Variants in MAGI2 observed in about 807,000 individuals in gnomAD.
The protein encoded by MAGI2 is membrane associated guanylate kinase, WW and PDZ domain containing 2, also known as membrane-associated guanylate kinase, WW and PDZ domain-containing protein 2.
In MAGI2, 35 loss-of-function variants were observed where a neutral mutation model predicts 133.3. The observed-to-expected ratio is 0.26, with a 90% confidence interval of 0.20 to 0.35. MAGI2 has a LOEUF of 0.35. MAGI2 is among the 10% of genes least tolerant of loss of function. The probability of loss-of-function intolerance (pLI) is 1.00; values close to 1 mark genes in which losing one functional copy is unlikely to be tolerated. For synonymous variants in MAGI2, 729 were observed against 710.6 expected, an observed-to-expected ratio of 1.03 and a Z score of -0.41; for missense variants, 1,636 against 1,863.4, an observed-to-expected ratio of 0.88 and a Z score of 2.25.
At chr7:78,694,993 A>C (rs1817352572) in intron 2 of MAGI2, among the ~76,000 whole-genome samples, 2 of 152,166 alleles carry the variant, frequency 1.3e-5, no homozygotes, top group East Asian at 1.9e-4. Flanking sequence ...TGGGAGGCCA[A>C]GGCCGGCAGA....
At chr7:78,806,432 G>A (rs1788583503) in intron 2 of MAGI2, among the ~76,000 whole-genome samples, 1 of 152,040 alleles carries the variant, frequency 6.6e-6, no homozygotes, top group South Asian at 2.1e-4. Context: ...ATTATTCAAG[G>A]CTCAGTGGAA....
At chr7:79,364,774 C>A (rs1842590725) in intron 1 of MAGI2, among the ~76,000 whole-genome samples, 1 of 151,374 alleles carries the variant, frequency 6.6e-6, no homozygotes, top group Admixed American at 6.6e-5. Flanking sequence ...AAAAATTAAC[C>A]CAGAATAGAT....
intron 9 of MAGI2, among the ~76,000 whole-genome samples, chr7:78,274,344 C>A (rs997005110): frequency 2.0e-5 from 3 of 152,166 alleles, no homozygotes; most frequent in Non-Finnish European, 2.9e-5. Flanking sequence ...CAGATGCCAG[C>A]CATAGCTCTC....
At chr7:79,201,006 T>TAG (rs1828562268) in intron 1 of MAGI2, among the ~76,000 whole-genome samples, 1 of 152,022 alleles carries the variant, frequency 6.6e-6, no homozygotes, top group Admixed American at 6.6e-5. Flanking sequence ...CACACATTTG[T>TAG]TAAGGCCCTC....
chr7:78,282,531 T>TATC (rs1049657222), intron 9 of MAGI2, among the ~76,000 whole-genome samples: 28 of 152,130 alleles, frequency 1.8e-4, no homozygotes, highest in African/African-American at 6.7e-4. Context: ...ATTTACTATC[T>TATC]ATCTATCTAT....
intron 1 of MAGI2, among the ~76,000 whole-genome samples, chr7:79,436,174 G>A (rs370941064): frequency 1.4e-5 from 2 of 147,184 alleles, no homozygotes. Context: ...TCAGTGAGCC[G>A]AGATCGTGCC....
At position 78,618,306 on chromosome 7, in the gene MAGI2, C is replaced by T. The variant is rs1040644636; in HGVS notation, c.538+8814G>A. ...GCCTCTTATAGAATGAGGAAATTTA[C>T]TGTATTTGAAAGTCATGGAGTTGTC... On this transcript the variant is annotated intron_variant, in intron 3 of 21. Transcript: ENST00000354212. The T allele has an allele frequency of 1.1e-3, 169 of 152,048 alleles. 1 individual carries two copies. Among genetic ancestry groups the T allele is most frequent in the African/African-American group, 3.6e-3 (149 of 41,520 alleles). The allele number at this position is 152,048 out of a possible 1,614,324, so 9.4% of individuals were successfully genotyped here. A position where few individuals can be genotyped will look rare whatever the true frequency, so the allele number is the denominator to read the frequency against.
chr7:79,015,405 C>T (rs1808598698), intron 1 of MAGI2, among the ~76,000 whole-genome samples: 2 of 152,276 alleles, frequency 1.3e-5, no homozygotes, highest in South Asian at 2.1e-4. Context: ...ACATGGTTCA[C>T]TCCAAATGGC....
chr7:78,286,458 G>C (rs553211821), intron 9 of MAGI2, among the ~76,000 whole-genome samples: 1 of 152,206 alleles, frequency 6.6e-6, no homozygotes, highest in African/African-American at 2.4e-5. Context: ...CAATGAAGGC[G>C]TCATAGAAGA....
At chr7:79,209,538 A>G (rs1406381702) in intron 1 of MAGI2, among the ~76,000 whole-genome samples, 2 of 152,014 alleles carry the variant, frequency 1.3e-5, no homozygotes, top group Non-Finnish European at 2.9e-5. Flanking sequence ...GTGATTCTCT[A>G]AAAGCACCAC....
chr7:78,892,807 A>G (rs1051891233), intron 2 of MAGI2, among the ~76,000 whole-genome samples: 1 of 152,150 alleles, frequency 6.6e-6, no homozygotes, highest in African/African-American at 2.4e-5. Context: ...ACCATTCAGG[A>G]CATAGGCATG....
chr7:78,706,586 C>A (rs774019807), intron 2 of MAGI2, among the ~76,000 whole-genome samples: 2 of 151,990 alleles, frequency 1.3e-5, no homozygotes, highest in Admixed American at 6.6e-5. Flanking sequence ...GAATAAATAA[C>A]CCCTGTCCTT....
chr7:79,443,707 A>C (rs139080467), intron 1 of MAGI2, among the ~76,000 whole-genome samples: 1 of 152,232 alleles, frequency 6.6e-6, no homozygotes, highest in Non-Finnish European at 1.5e-5. Flanking sequence ...GACAATGTAA[A>C]GTATAAACAG....
At chr7:78,503,985 T>C (rs112156449) in intron 4 of MAGI2, among the ~76,000 whole-genome samples, 1 of 151,864 alleles carries the variant, frequency 6.6e-6, no homozygotes, top group African/African-American at 2.4e-5. Context: ...TGAACTAATA[T>C]GGAAGAAATA....
intron 20 of MAGI2, among the ~76,000 whole-genome samples, chr7:78,117,117 T>C (rs571331440): frequency 6.6e-6 from 1 of 150,544 alleles, no homozygotes; most frequent in East Asian, 2.0e-4. Flanking sequence ...ATTCAAAACA[T>C]ACATAAACTT....
At chr7:78,792,780 A>T (rs1163137711) in intron 2 of MAGI2, among the ~76,000 whole-genome samples, 1 of 152,212 alleles carries the variant, frequency 6.6e-6, no homozygotes, top group Non-Finnish European at 1.5e-5. Flanking sequence ...AAATACATCA[A>T]CCCAATACAA....
At chr7:78,106,834 T>C (rs1460151667) in intron 20 of MAGI2, among the ~76,000 whole-genome samples, 1 of 152,110 alleles carries the variant, frequency 6.6e-6, no homozygotes, top group Admixed American at 6.5e-5. Context: ...TTGATAGTTT[T>C]CTTTTTGTGC....
intron 1 of MAGI2, among the ~76,000 whole-genome samples, chr7:79,057,561 C>T (rs138504556): frequency 2.6e-5 from 4 of 152,164 alleles, no homozygotes; most frequent in African/African-American, 9.7e-5. Context: ...CTCAGGTTGT[C>T]TCAGCCTAGA....
chr7:78,721,664 G>A (rs899682987), intron 2 of MAGI2, among the ~76,000 whole-genome samples: 20 of 151,946 alleles, frequency 1.3e-4, no homozygotes, highest in Non-Finnish European at 2.2e-4. Flanking sequence ...TTATTGAGAA[G>A]GTTCTCAAAG....
Sources: allele counts gnomAD v4.1 joint callset (sites outside exome capture counted in the v4.1 genomes callset), GRCh38; gene constraint gnomAD v4.1.1; transcripts MANE v1.5; gene names NCBI Gene and HGNC (gene_info 2026-07-23, HGNC 2026-07-21).